The following DPP10 variants were observed in gnomAD, a reference collection of about 807,000 sequenced individuals.
DPP10 encodes the protein dipeptidyl peptidase like 10.
In DPP10, 33 loss-of-function variants were observed where a neutral mutation model predicts 120.9. That is an observed-to-expected ratio of 0.27 (90% CI 0.21 to 0.37). The LOEUF (loss-of-function observed/expected upper bound fraction) is 0.37, where lower values mean the gene tolerates loss of function less well. DPP10 is among the 10% of genes least tolerant of loss of function. The pLI, the probability that DPP10 is intolerant of heterozygous loss-of-function variation, is 1.00. For missense variants in DPP10, 816 were observed against 942.8 expected (o/e 0.87, Z 1.76); for synonymous variants, 337 against 326.1 (o/e 1.03, Z -0.36).
chr2:114,799,101 C>T (rs1404449046), intron 1 of DPP10, among the ~76,000 whole-genome samples: 2 of 152,040 alleles, frequency 1.3e-5, no homozygotes, highest in Admixed American at 6.6e-5. Context: ...TGCACTCCAG[C>T]CTGGGCAACA....
At chr2:114,554,451 G>T (rs890856536) in intron 1 of DPP10, among the ~76,000 whole-genome samples, 1 of 152,190 alleles carries the variant, frequency 6.6e-6, no homozygotes, top group Admixed American at 6.5e-5. Flanking sequence ...AAGTCAGTGT[G>T]ATCAGATGAT....
intron 1 of DPP10, among the ~76,000 whole-genome samples, chr2:114,933,955 T>A (rs1198017724): frequency 6.6e-6 from 1 of 152,218 alleles, no homozygotes. Flanking sequence ...AACACTGAAC[T>A]GCTCTCACTT....
chr2:115,233,349 C>T (rs1031778838), intron 1 of DPP10, among the ~76,000 whole-genome samples: 8 of 152,030 alleles, frequency 5.3e-5, no homozygotes, highest in African/African-American at 1.9e-4. Flanking sequence ...TCATTTCAGG[C>T]ACTTTGGGTT....
chr2:114,640,181 G>A (rs920044622), intron 1 of DPP10, among the ~76,000 whole-genome samples: 1 of 151,918 alleles, frequency 6.6e-6, no homozygotes, highest in Non-Finnish European at 1.5e-5. Context: ...TCTGAGGACA[G>A]CTGAAGGCCT....
At chr2:115,758,497 T>A (rs1377870648) in intron 11 of DPP10, among the ~76,000 whole-genome samples, 6 of 152,150 alleles carry the variant, frequency 3.9e-5, no homozygotes, top group South Asian at 4.1e-4. Flanking sequence ...ATAGAAAAAA[T>A]TAATATTGTT....
chr2:115,178,146 A>G (rs544855782), intron 1 of DPP10, among the ~76,000 whole-genome samples: 1 of 152,236 alleles, frequency 6.6e-6, no homozygotes, highest in South Asian at 2.1e-4. Context: ...GTGCCTCATA[A>G]TCTGATAAGT....
At chr2:114,494,377 A>T (rs1323376683) in intron 1 of DPP10, among the ~76,000 whole-genome samples, 1 of 152,182 alleles carries the variant, frequency 6.6e-6, no homozygotes, top group East Asian at 1.9e-4. Flanking sequence ...AATTGCTATT[A>T]AGCTTCACTG....
intron 5 of DPP10, among the ~76,000 whole-genome samples, chr2:115,623,341 CAGGATGTTT>C (rs2085117018): frequency 1.3e-5 from 2 of 152,100 alleles, no homozygotes; most frequent in Admixed American, 6.5e-5. Context: ...TGGCGTATGT[CAGGATGTTT>C]AGTGAGCGAT....
chr2:115,603,667 A>G (rs1191227711), intron 5 of DPP10, among the ~76,000 whole-genome samples: 1 of 150,430 alleles, frequency 6.6e-6, no homozygotes, highest in Non-Finnish European at 1.5e-5. Flanking sequence ...CAACGCTGAC[A>G]TATTTTAAAA....
chr2:114,633,140 A>G (rs1419795035), intron 1 of DPP10, among the ~76,000 whole-genome samples: 1 of 151,478 alleles, frequency 6.6e-6, no homozygotes, highest in Non-Finnish European at 1.5e-5. Flanking sequence ...GAACTAGAAG[A>G]TATATTAAAA....
intron 1 of DPP10, among the ~76,000 whole-genome samples, chr2:115,183,540 ATG>A (rs1278454222): frequency 1.3e-5 from 2 of 152,220 alleles, no homozygotes; most frequent in African/African-American, 4.8e-5. Context: ...TTCAAAAAAT[ATG>A]TGTGAATTTG....
intron 1 of DPP10, among the ~76,000 whole-genome samples, chr2:115,018,156 A>T (rs1702802393): frequency 6.6e-6 from 1 of 152,230 alleles, no homozygotes; most frequent in Non-Finnish European, 1.5e-5. Context: ...AACCACAATG[A>T]GATACCATCT....
chr2:115,805,699 C>A (rs552012964), intron 19 of DPP10, among the ~76,000 whole-genome samples: 88 of 151,798 alleles, frequency 5.8e-4, no homozygotes, highest in African/African-American at 2.0e-3. Context: ...TTCAGCCTCC[C>A]GAGTAGCTAG....
intron 1 of DPP10, among the ~76,000 whole-genome samples, chr2:114,700,936 C>T (rs1218836768): frequency 6.6e-6 from 1 of 152,040 alleles, no homozygotes; most frequent in Non-Finnish European, 1.5e-5. Context: ...TCAGTGAACA[C>T]ACAACCATTG....
At chr2:114,780,496 G>T (rs1446348427) in intron 1 of DPP10, among the ~76,000 whole-genome samples, 1 of 152,008 alleles carries the variant, frequency 6.6e-6, no homozygotes, top group Admixed American at 6.6e-5. Context: ...TTAGGTTCAA[G>T]ATAGCTGTGA....
chr2:114,829,849 G>A (rs929741753), intron 1 of DPP10, among the ~76,000 whole-genome samples: 8 of 152,036 alleles, frequency 5.3e-5, no homozygotes, highest in African/African-American at 1.5e-4. Flanking sequence ...GTCACTATGC[G>A]TTTCCTTAAA....
intron 3 of DPP10, among the ~76,000 whole-genome samples, chr2:115,349,243 T>G (rs2106291074): frequency 6.6e-6 from 1 of 152,222 alleles, no homozygotes; most frequent in South Asian, 2.1e-4. Flanking sequence ...CACAGATATT[T>G]TAACCTGCTG....
chr2:114,643,539 C>T (rs1456374633), intron 1 of DPP10, among the ~76,000 whole-genome samples: 2 of 151,890 alleles, frequency 1.3e-5, no homozygotes, highest in Non-Finnish European at 2.9e-5. Context: ...CCTTCCATAG[C>T]TCCATCTCAA....
At chr2:115,752,240 T>C (rs1299323600) in intron 10 of DPP10, among the ~76,000 whole-genome samples, 1 of 152,232 alleles carries the variant, frequency 6.6e-6, no homozygotes, top group East Asian at 1.9e-4. Flanking sequence ...CTAAAGTAAC[T>C]GATCTGTTCT....
Sources: allele counts gnomAD v4.1 joint callset (sites outside exome capture counted in the v4.1 genomes callset), GRCh38; gene constraint gnomAD v4.1.1; transcripts MANE v1.5; gene names NCBI Gene and HGNC (gene_info 2026-07-23, HGNC 2026-07-21).